CTNNA3: variants seen among roughly 807,000 people sequenced by gnomAD.
The protein encoded by CTNNA3 is catenin alpha-3.
A neutral mutation model predicts 95.7 loss-of-function variants in CTNNA3; 76 were observed. That is an observed-to-expected ratio of 0.79 (90% confidence interval 0.66 to 0.96). The LOEUF is 0.96. Among genes scored for constraint, CTNNA3 ranks in the 40% least tolerant of loss-of-function variants. CTNNA3 has a pLI of 0.00. For synonymous variants in CTNNA3, 431 were observed against 374.4 expected, an observed-to-expected ratio of 1.15 and a Z score of -1.74; for missense variants, 1,191 against 1,089.8, an observed-to-expected ratio of 1.09 and a Z score of -1.31.
At chr10:67,638,940 T>C (rs1385746258) in intron 2 of CTNNA3, among the ~76,000 whole-genome samples, 5 of 151,898 alleles carry the variant, frequency 3.3e-5, no homozygotes, top group Non-Finnish European at 5.9e-5. Flanking sequence ...AACATCACAA[T>C]TAAAAGAACT....
At chr10:66,034,328 T>C (rs2079515541) in intron 15 of CTNNA3, among the ~76,000 whole-genome samples, 1 of 152,146 alleles carries the variant, frequency 6.6e-6, no homozygotes. Context: ...TGTGAAGTTC[T>C]CGGCATACTT....
chr10:67,491,722 T>A (rs1487676382), intron 5 of CTNNA3, among the ~76,000 whole-genome samples: 1 of 152,174 alleles, frequency 6.6e-6, no homozygotes, highest in African/African-American at 2.4e-5. Context: ...ATTGAAGGAT[T>A]TTTACTTGAG....
chr10:66,201,783 C>CTTTTTTTTTTTTTTTTTTTTT (rs1236010501), intron 13 of CTNNA3, among the ~76,000 whole-genome samples: 3 of 79,366 alleles, frequency 3.8e-5, no homozygotes, highest in African/African-American at 5.2e-5. Flanking sequence ...TTTACTTTTT[C>CTTTTTTTTTTTTTTTTTTTTT]TTTTTTTTTT....
intron 7 of CTNNA3, among the ~76,000 whole-genome samples, chr10:67,082,266 G>C (rs73256502): frequency 2.0e-5 from 3 of 152,148 alleles, no homozygotes; most frequent in Admixed American, 2.0e-4. Context: ...TTTAACCGCT[G>C]CTTGCTCCCT....
chr10:67,434,344 A>G (rs1449826827), intron 5 of CTNNA3, among the ~76,000 whole-genome samples: 1 of 151,982 alleles, frequency 6.6e-6, no homozygotes, highest in Non-Finnish European at 1.5e-5. Context: ...TAAGGTCCAT[A>G]AGCCCCTATC....
intron 12 of CTNNA3, among the ~76,000 whole-genome samples, chr10:66,337,933 T>C (rs903839643): frequency 3.3e-5 from 5 of 152,150 alleles, no homozygotes; most frequent in African/African-American, 1.2e-4. Context: ...AATGAAGCTA[T>C]GCATAGCCTA....
chr10:67,447,322 A>G (rs1846791672), intron 5 of CTNNA3, among the ~76,000 whole-genome samples: 3 of 152,156 alleles, frequency 2.0e-5, no homozygotes, highest in Admixed American at 6.5e-5. Context: ...AAAGAATGAG[A>G]TTTTTTTCTT....
chr10:67,301,495 A>C (rs1163303615), intron 5 of CTNNA3, among the ~76,000 whole-genome samples: 5 of 152,194 alleles, frequency 3.3e-5, no homozygotes, highest in African/African-American at 1.2e-4. Flanking sequence ...CAATCCCACT[A>C]CTGGGTATGT....
chr10:67,438,567 T>C (rs778398868), intron 5 of CTNNA3, among the ~76,000 whole-genome samples: 11 of 152,124 alleles, frequency 7.2e-5, no homozygotes, highest in African/African-American at 2.4e-4. Flanking sequence ...AAAAAAGCAC[T>C]GACATAAGAA....
At chr10:66,180,671 C>T (rs537178180) in intron 13 of CTNNA3, among the ~76,000 whole-genome samples, 17 of 152,122 alleles carry the variant, frequency 1.1e-4, no homozygotes, top group African/African-American at 3.1e-4. Flanking sequence ...TGTTTTCATC[C>T]GCAATATGGC....
At chr10:66,551,554 ACT>A (rs1168847723) in intron 10 of CTNNA3, among the ~76,000 whole-genome samples, 1 of 151,240 alleles carries the variant, frequency 6.6e-6, no homozygotes, top group African/African-American at 2.4e-5. Flanking sequence ...TGCTCCAGTC[ACT>A]CTCTTGTTTC....
chr10:66,145,310 T>C lies in CTNNA3; in HGVS notation c.1885-42061A>G, dbSNP rs74836566. Among the ~76,000 whole-genome samples the C allele has an allele frequency of 1.4e-3, 213 of 152,222 alleles. 10 individuals are homozygous for C. In the East Asian group the frequency reaches 0.03, roughly 21 times the overall value. On this transcript the variant is annotated intron_variant, in intron 13 of 17. Coordinates refer to ENST00000433211, the MANE Select transcript of CTNNA3 (RefSeq NM_013266.4). ...CACAAAGACAAAGGGGAATGTACAT[T>C]AGCACCATATCATGTACAGGTAAAC...
chr10:67,131,757 T>A (rs913338077), intron 7 of CTNNA3, among the ~76,000 whole-genome samples: 1 of 152,030 alleles, frequency 6.6e-6, no homozygotes, highest in Non-Finnish European at 1.5e-5. Context: ...ACATGTGGCT[T>A]GTAGACATGC....
At chr10:66,614,033 C>T (rs1014273989) in intron 10 of CTNNA3, among the ~76,000 whole-genome samples, 1 of 152,032 alleles carries the variant, frequency 6.6e-6, no homozygotes, top group African/African-American at 2.4e-5. Context: ...CAAATAAGCA[C>T]ATAGCTTTCC....
rs536284472 is a variant in CTNNA3, at chr10:66,161,798, G to A, written c.1885-58549C>T. Among the ~76,000 whole-genome samples, 43 of 152,194 alleles carry A rather than the reference G, an allele frequency of 2.8e-4. No individual in the cohort carries two copies. The South Asian group carries it at 7.5e-3, about 26-fold the overall frequency. ...AATTATTCCCCCAAATATGTTTTCC[G>A]AATTTTTGGAATTCTCTTCTTCCTC... On this transcript the variant is annotated intron_variant, in intron 13 of 17. Coordinates refer to ENST00000433211, the MANE Select transcript of CTNNA3 (RefSeq NM_013266.4).
intron 10 of CTNNA3, among the ~76,000 whole-genome samples, chr10:66,543,788 A>C (rs1427400394): frequency 6.6e-6 from 1 of 151,294 alleles, no homozygotes; most frequent in Admixed American, 6.6e-5. Flanking sequence ...CCAATTCACC[A>C]TTGTGAGTTA....
At chr10:67,108,890 T>C (rs1315090840) in intron 7 of CTNNA3, among the ~76,000 whole-genome samples, 1 of 152,178 alleles carries the variant, frequency 6.6e-6, no homozygotes, top group Non-Finnish European at 1.5e-5. Flanking sequence ...CCACAATCTT[T>C]GCAAATTAAT....
At chr10:66,553,606 C>A (rs192567392) in intron 10 of CTNNA3, among the ~76,000 whole-genome samples, 14 of 130,234 alleles carry the variant, frequency 1.1e-4, no homozygotes, top group Non-Finnish European at 1.7e-4. Flanking sequence ...TGGCTCACTG[C>A]AACCTCTGCC....
intron 10 of CTNNA3, among the ~76,000 whole-genome samples, chr10:66,555,374 T>G (rs917123089): frequency 6.6e-6 from 1 of 152,154 alleles, no homozygotes; most frequent in Non-Finnish European, 1.5e-5. Flanking sequence ...AAAAACAGAA[T>G]GCCCAGTTAC....
Sources: gnomAD v4.1 joint callset for allele counts (sites outside exome capture counted in the v4.1 genomes callset) on GRCh38, gnomAD v4.1.1 for gene constraint, MANE v1.5 for transcripts, NCBI Gene and HGNC (gene_info 2026-07-23, HGNC 2026-07-21) for gene names.